REELD1: variants seen among roughly 807,000 people sequenced by gnomAD.
REELD1 encodes reeler domain containing 1, also known as reelin domain-containing protein 1.
A neutral mutation model predicts 6.3 loss-of-function variants in REELD1; 12 were observed. The ratio of observed to expected loss-of-function variants is 1.89; its 90% CI spans 1.21 to 3.07. The LOEUF is 3.07. Among genes scored for constraint, REELD1 ranks in the 30% most tolerant of loss-of-function variants. REELD1 has a pLI of 0.00. For synonymous variants in REELD1, 57 were observed against 33.6 expected (o/e 1.70, Z -2.42); for missense variants, 163 against 86.8 (o/e 1.88, Z -3.49).
At chr4:146,223,385 A>C (rs1730959023) in intron 4 of REELD1, among the ~76,000 whole-genome samples, 1 of 152,130 alleles carries the variant, frequency 6.6e-6, no homozygotes, top group Admixed American at 6.5e-5. Context: ...GGCACAGGGC[A>C]GCAGACAGGA....
chr4:146,224,478 G>T lies in REELD1; in HGVS notation c.465G>T (p.Trp155Cys), dbSNP rs533990832. ...LSVVQSYFVYWARIESSVVSQ... is the reference protein window; with the variant it reads ...LSVVQSYFVYCARIESSVVSQ... ...TAGTCCAGTCATATTTTGTTTACTGGGCAAGGATTGAATCATCTGTTGTGT... is the reference window on the plus strand; with the variant it reads ...TAGTCCAGTCATATTTTGTTTACTGTGCAAGGATTGAATCATCTGTTGTGT... The change falls in exon 5 of 8, where the codon TGG becomes TGT. Residue 155 changes from tryptophan to cysteine, a missense_variant. Coordinates refer to ENST00000623665, the MANE Select transcript of REELD1 (RefSeq NM_001354631.1). 7.4e-6 allele frequency: 5 copies of T among 676,382 alleles called. No individual in the cohort carries two copies. The South Asian group carries it at 7.7e-5, about 10-fold the overall frequency. The allele number at this position is 676,382 out of a possible 1,614,324, so 41.9% of individuals were successfully genotyped here.
rs371206701 is a variant in REELD1 at position 146,219,093 on chromosome 4, A to G, written c.208+1933A>G. On this transcript the variant is annotated intron_variant, in intron 3 of 7. Coordinates refer to ENST00000623665, the MANE Select transcript of REELD1 (RefSeq NM_001354631.1). ...CTTGAGCCTAGGAGGCAGAGGTTGC[A>G]GTGAACTGAGATAGCCCCACTGCAC... Among the ~76,000 whole-genome samples the G allele has an allele frequency of 3.9e-5, 6 of 152,326 alleles. 1 individual carries two copies. The highest frequency in any genetic ancestry group is 1.2e-4 in the African/African-American group (5 of 41,572).
chr4:146,225,698 T>C (rs1361741002), intron 5 of REELD1, among the ~76,000 whole-genome samples: 1 of 152,228 alleles, frequency 6.6e-6, no homozygotes, highest in African/African-American at 2.4e-5. Context: ...TAATCCCAAG[T>C]ATAACCATGT....
In REELD1 at chr4:146,231,922, G is replaced by T. The variant is rs1344124118; in HGVS notation, c.*1409G>T. On this transcript the variant is annotated 3_prime_UTR_variant, in exon 8 of 8. Coordinates refer to ENST00000623665, the MANE Select transcript of REELD1 (RefSeq NM_001354631.1). The stretch of plus-strand genomic sequence containing the variant: ...TGTTCCCTGGCTTCAGCCATTAGAT[G>T]CATGGAGACCTAGGTAATTTGTGCA... The T allele has an allele frequency of 6.6e-6, 1 of 152,188 alleles. No homozygotes were observed. Among genetic ancestry groups the T allele is most frequent in the Non-Finnish European group, 1.5e-5 (1 of 68,044 alleles). 9.4% of individuals were successfully genotyped at this position (152,188 alleles called of 1,614,324 possible).
chr4:146,223,278 C>G (rs150367156), intron 4 of REELD1, among the ~76,000 whole-genome samples: 342 of 152,338 alleles, frequency 2.2e-3, no homozygotes, highest in Non-Finnish European at 3.2e-3. Flanking sequence ...GTCCAGCTCA[C>G]ATGCTCCCCT....
chr4:146,223,083 G>T lies in REELD1; in HGVS notation c.431+504G>T, dbSNP rs547986201. Among the ~76,000 whole-genome samples the T allele has an allele frequency of 9.7e-4, 148 of 152,306 alleles. No homozygotes were observed. The Middle Eastern group carries it at 0.031, about 32-fold the overall frequency. On this transcript the variant is annotated intron_variant, in intron 4 of 7. Transcript: ENST00000623665. ...CTACGTTCGCTCAGAAGAGTTCCTGGCAACAGTAAGCACTTTAAAAGCATC... is the reference window on the plus strand; with the variant it reads ...CTACGTTCGCTCAGAAGAGTTCCTGTCAACAGTAAGCACTTTAAAAGCATC...
Position 146,229,948 on chromosome 4 carries a change from T to C in REELD1, c.1016T>C (p.Leu339Pro). The part of the protein sequence containing the change: ...ASNRTVTQPP[L>P]STVQLTYPQC... ...AACAGGACCGTGACACAGCCTCCTC[T>C]GTCCACCGTCCAGCTTACCTATCCC... The change falls in exon 8 of 8, where the codon CTG becomes CCG. Residue 339 changes from leucine to proline, a missense_variant. Coordinates refer to ENST00000623665, the MANE Select transcript of REELD1 (RefSeq NM_001354631.1). 2.5e-6 allele frequency: 1 copy of C among 398,746 alleles called. No homozygotes were observed. Among genetic ancestry groups the C allele is most frequent in the Non-Finnish European group, 4.4e-6 (1 of 226,162 alleles). The allele number at this position is 398,746 out of a possible 1,614,324, so 24.7% of individuals were successfully genotyped here.
At chr4:146,214,898 C>T (rs1730797514) in intron 1 of REELD1, among the ~76,000 whole-genome samples, 178 bp from the exon 2 acceptor site, 1 of 151,942 alleles carries the variant, frequency 6.6e-6, no homozygotes, top group Non-Finnish European at 1.5e-5. Context: ...GGAAAGAAGA[C>T]ACAGTGAAAC....
chr4:146,221,723 G>A (rs1321388777), intron 3 of REELD1, among the ~76,000 whole-genome samples: 1 of 152,118 alleles, frequency 6.6e-6, no homozygotes, highest in African/African-American at 2.4e-5. Context: ...GCTGGGCGTG[G>A]TGGTGCGTGC....
chr4:146,217,885 A>G (rs1434681778), intron 3 of REELD1, among the ~76,000 whole-genome samples: 2 of 152,250 alleles, frequency 1.3e-5, no homozygotes, highest in South Asian at 2.1e-4. Context: ...ATGTGTAAGT[A>G]TATCAAAACA....
chr4:146,222,417 A>G lies in REELD1; in HGVS notation c.269A>G (p.Asp90Gly), dbSNP rs1730940550. 2.5e-6 allele frequency: 1 copy of G among 398,502 alleles called. No homozygotes were observed. Among genetic ancestry groups the G allele is most frequent in the Non-Finnish European group, 4.4e-6 (1 of 226,074 alleles). 24.7% of individuals were successfully genotyped at this position (398,502 alleles called of 1,614,324 possible). The change falls in exon 4 of 8, where the codon GAT becomes GGT. Residue 90 changes from aspartate to glycine, a missense_variant. Coordinates refer to ENST00000623665, the MANE Select transcript of REELD1 (RefSeq NM_001354631.1). ...GFLLQARRVS[D>G]HQIAGTFVLI... Reference sequence around the variant, plus strand: ...CTCCTTCAGGCTCGAAGAGTGTCCGATCATCAAATCGCTGGCACTTTCGTT... The same window carrying G: ...CTCCTTCAGGCTCGAAGAGTGTCCGGTCATCAAATCGCTGGCACTTTCGTT...
In REELD1 at chr4:146,224,047, A is replaced by G. The variant is rs538503564; in HGVS notation, c.432-398A>G. On this transcript the variant is annotated intron_variant, in intron 4 of 7. Coordinates refer to ENST00000623665, the MANE Select transcript of REELD1 (RefSeq NM_001354631.1). ...TAAGGGTAGACATGTACAATTATAC[A>G]ACAGAATTATAAGATCTTCAAATCA... Among the ~76,000 whole-genome samples, 3 of 152,370 alleles carry G rather than the reference A, an allele frequency of 2.0e-5. No homozygotes were observed. The South Asian group carries it at 6.2e-4, about 32-fold the overall frequency.
rs542586928 is a variant in REELD1 at position 146,227,698 on chromosome 4, G to A, written c.596-512G>A. 7.9e-4 allele frequency among the ~76,000 whole-genome samples: 120 copies of A among 152,312 alleles called. 1 individual carries two copies. Among genetic ancestry groups the A allele is most frequent in the Admixed American group, 1.6e-3 (24 of 15,294 alleles). ...TCTTTCTCATGCTCTGGGCTGTCAGGTTAGCCAGTCACAAATGGGAAATTA... is the reference window on the plus strand; with the variant it reads ...TCTTTCTCATGCTCTGGGCTGTCAGATTAGCCAGTCACAAATGGGAAATTA... On this transcript the variant is annotated intron_variant, in intron 5 of 7. Transcript: ENST00000623665.
intron 3 of REELD1, among the ~76,000 whole-genome samples, chr4:146,221,878 A>G (rs1441714104): frequency 6.6e-6 from 1 of 152,034 alleles, no homozygotes. Context: ...AATTATTACT[A>G]AGCTTTTTTT....
chr4:146,223,759 C>T (rs912943995), intron 4 of REELD1, among the ~76,000 whole-genome samples: 11 of 152,208 alleles, frequency 7.2e-5, no homozygotes, highest in African/African-American at 1.2e-4. Context: ...GTCTGGAAAC[C>T]GCATGTTGGG....
intron 3 of REELD1, among the ~76,000 whole-genome samples, chr4:146,217,409 A>AT (rs1220803499): frequency 5.7e-5 from 8 of 140,638 alleles, no homozygotes; most frequent in Admixed American, 2.1e-4. Context: ...TGCCCTGCTA[A>AT]TTTTTTGTAT....
At chr4:146,227,839 G>A (rs540737547) in intron 5 of REELD1, among the ~76,000 whole-genome samples, 1 of 152,238 alleles carries the variant, frequency 6.6e-6, no homozygotes, top group Admixed American at 6.5e-5. Flanking sequence ...AAAGATCTAG[G>A]GCTTTGAAAA....
intron 5 of REELD1, among the ~76,000 whole-genome samples, chr4:146,225,840 T>C (rs1186805893): frequency 1.3e-5 from 2 of 152,128 alleles, no homozygotes; most frequent in African/African-American, 4.8e-5. Context: ...CCAAGCAGTT[T>C]ACAGGGTAAC....
rs1395499213 is a variant in REELD1 at position 146,229,213 on chromosome 4, A to C, written c.972+125A>C. 4 of 624,918 alleles carry C rather than the reference A, an allele frequency of 6.4e-6. No individual in the cohort carries two copies. The Admixed American group carries it at 1.0e-4, about 16-fold the overall frequency. 38.7% of individuals were successfully genotyped at this position (624,918 alleles called of 1,614,324 possible). A position where few individuals can be genotyped will look rare whatever the true frequency, so the allele number is the denominator to read the frequency against. The stretch of plus-strand genomic sequence containing the variant: ...AGTTAGAGAGAAGAAGGCAAAGTAC[A>C]ATATACACACAGTGTCTTTCTACTA... On this transcript the variant is annotated intron_variant, in intron 7 of 7. Coordinates refer to ENST00000623665, the MANE Select transcript of REELD1 (RefSeq NM_001354631.1).
Sources: allele counts gnomAD v4.1 joint callset (sites outside exome capture counted in the v4.1 genomes callset), GRCh38; gene constraint gnomAD v4.1.1; transcripts MANE v1.5; gene names NCBI Gene and HGNC (gene_info 2026-07-23, HGNC 2026-07-21).